Variants in GRID2 observed in about 807,000 individuals in gnomAD.
The protein encoded by GRID2 is glutamate ionotropic receptor delta type subunit 2, also known as glutamate receptor ionotropic, delta-2.
Under a neutral mutation model 114.8 loss-of-function variants are expected in GRID2, and 33 were observed. The observed-to-expected ratio is 0.29, with a 90% confidence interval of 0.22 to 0.38. The LOEUF (loss-of-function observed/expected upper bound fraction) is 0.38. Among genes scored for constraint, GRID2 ranks in the 10% least tolerant of loss-of-function variants. GRID2 has a pLI of 1.00. For synonymous variants in GRID2, 505 were observed against 449.9 expected, an observed-to-expected ratio of 1.12 and a Z score of -1.55; for missense variants, 1,184 against 1,257.7, an observed-to-expected ratio of 0.94 and a Z score of 0.89.
At chr4:92,848,673 A>C (rs1481305217) in intron 2 of GRID2, among the ~76,000 whole-genome samples, 1 of 151,998 alleles carries the variant, frequency 6.6e-6, no homozygotes, top group East Asian at 1.9e-4. Context: ...TTACCACCTG[A>C]GAATTTAATG....
At chr4:92,702,584 T>A (rs2149302436) in intron 2 of GRID2, 2 of 152,232 alleles carry the variant, frequency 1.3e-5, no homozygotes, top group South Asian at 4.1e-4. Flanking sequence ...CCCTTTCTAT[T>A]GCCCTTTTCT....
At chr4:92,815,607 A>G (rs1204476207) in intron 2 of GRID2, among the ~76,000 whole-genome samples, 1 of 152,046 alleles carries the variant, frequency 6.6e-6, no homozygotes, top group Non-Finnish European at 1.5e-5. Flanking sequence ...TTATAATCTT[A>G]TTATACTTAA....
intron 1 of GRID2, among the ~76,000 whole-genome samples, chr4:92,561,688 T>C (rs1234323163): frequency 1.3e-5 from 2 of 152,206 alleles, no homozygotes; most frequent in African/African-American, 4.8e-5. Flanking sequence ...GTAGAAGATA[T>C]ACAACTTTTA....
At chr4:93,280,543 T>C (rs1752542743) in intron 8 of GRID2, among the ~76,000 whole-genome samples, 1 of 152,034 alleles carries the variant, frequency 6.6e-6, no homozygotes, top group Non-Finnish European at 1.5e-5. Context: ...ATCTCTTTTT[T>C]ATTTTCTGTA....
chr4:93,521,249 G>T (rs1160141820), intron 13 of GRID2, among the ~76,000 whole-genome samples: 1 of 152,154 alleles, frequency 6.6e-6, no homozygotes, highest in African/African-American at 2.4e-5. Flanking sequence ...AATATGAAAT[G>T]CTTACTCATT....
chr4:93,130,791 A>G (rs1202736950), intron 4 of GRID2, among the ~76,000 whole-genome samples: 2 of 152,182 alleles, frequency 1.3e-5, no homozygotes, highest in African/African-American at 2.4e-5. Flanking sequence ...CTCTAAATAA[A>G]TGGTAAATTT....
chr4:93,698,649 T>G (rs2110133314), intron 14 of GRID2, among the ~76,000 whole-genome samples: 1 of 152,214 alleles, frequency 6.6e-6, no homozygotes, highest in Admixed American at 6.5e-5. Flanking sequence ...GTTGCAATGT[T>G]AAATTATAAT....
intron 13 of GRID2, among the ~76,000 whole-genome samples, chr4:93,518,664 T>C (rs1028446602): frequency 2.0e-5 from 3 of 152,072 alleles, no homozygotes; most frequent in African/African-American, 7.2e-5. Context: ...GAGAAGAGGA[T>C]GGGAAATACC....
intron 14 of GRID2, among the ~76,000 whole-genome samples, chr4:93,694,837 AC>A: frequency 6.6e-6 from 1 of 152,202 alleles, no homozygotes; most frequent in South Asian, 2.1e-4. Flanking sequence ...GGAAATGCTC[AC>A]CCCGAAGATC....
intron 8 of GRID2, among the ~76,000 whole-genome samples, chr4:93,325,131 G>C (rs1467325322): frequency 6.6e-6 from 1 of 151,960 alleles, no homozygotes; most frequent in Admixed American, 6.6e-5. Flanking sequence ...GTGATGTTAG[G>C]GTGTCAATTT....
At chr4:93,569,365 C>T (rs528413631) in intron 13 of GRID2, among the ~76,000 whole-genome samples, 124 of 152,236 alleles carry the variant, frequency 8.1e-4, no homozygotes, top group African/African-American at 2.7e-3. Flanking sequence ...CTCAATTTCT[C>T]TCTTTTCCTC....
At chr4:92,713,264 T>C (rs571417759) in intron 2 of GRID2, among the ~76,000 whole-genome samples, 45 of 151,298 alleles carry the variant, frequency 3.0e-4, no homozygotes, top group African/African-American at 1.1e-3. Flanking sequence ...TGTGTACTTT[T>C]TAACACATAA....
chr4:93,626,803 A>T (rs1402500098), intron 14 of GRID2, among the ~76,000 whole-genome samples: 1 of 152,218 alleles, frequency 6.6e-6, no homozygotes, highest in African/African-American at 2.4e-5. Context: ...CATTCTGAGG[A>T]TACAAAAGCA....
chr4:92,948,592 A>T (rs1751812732), intron 2 of GRID2, among the ~76,000 whole-genome samples: 1 of 151,934 alleles, frequency 6.6e-6, no homozygotes, highest in African/African-American at 2.4e-5. Flanking sequence ...AAATAGTTCT[A>T]TGGATAAGAA....
At chr4:92,449,474 G>C (rs541696459) in intron 1 of GRID2, among the ~76,000 whole-genome samples, 4 of 151,336 alleles carry the variant, frequency 2.6e-5, no homozygotes, top group Non-Finnish European at 3.0e-5. Context: ...TTCCATGTGT[G>C]GGAAATACAT....
intron 8 of GRID2, among the ~76,000 whole-genome samples, chr4:93,349,105 T>C (rs1455708495): frequency 6.6e-6 from 1 of 152,150 alleles, no homozygotes; most frequent in Non-Finnish European, 1.5e-5. Flanking sequence ...TCAAGGAGAA[T>C]ACTAATGCCT....
chr4:92,666,670 T>TTTTTTTTTTTTTGTTTTTTTTTTTTC (rs368637464), intron 2 of GRID2, among the ~76,000 whole-genome samples: 1 of 133,026 alleles, frequency 7.5e-6, no homozygotes, highest in East Asian at 2.0e-4. Context: ...TTTTTTTTTT[T>TTTTTTTTTTTTTGTTTTTTTTTTTTC]CAGATCTTTT....
chr4:92,765,453 G>A (rs1338178508), intron 2 of GRID2, among the ~76,000 whole-genome samples: 2 of 152,116 alleles, frequency 1.3e-5, no homozygotes, highest in African/African-American at 4.8e-5. Flanking sequence ...TGATCTCCAG[G>A]AAGGACTGTT....
Position 93,592,108 on chromosome 4 carries a change from T to G in GRID2, c.2194-34161T>G, listed in dbSNP as rs565688862. On this transcript the variant is annotated intron_variant, in intron 13 of 15. Coordinates refer to ENST00000282020, the MANE Select transcript of GRID2 (RefSeq NM_001510.4). Reference sequence around the variant, plus strand: ...TCTTGCCTTCTGCTACCTTTTGAATTTGTTTCCTCTTGCTTTTCTAGTTCT... The same window carrying G: ...TCTTGCCTTCTGCTACCTTTTGAATGTGTTTCCTCTTGCTTTTCTAGTTCT... 1.8e-4 allele frequency among the ~76,000 whole-genome samples: 27 copies of G among 152,272 alleles called. 1 individual carries two copies. The South Asian group carries it at 2.1e-3, about 12-fold the overall frequency.
Sources: gnomAD v4.1 joint callset for allele counts (sites outside exome capture counted in the v4.1 genomes callset) on GRCh38, gnomAD v4.1.1 for gene constraint, MANE v1.5 for transcripts, NCBI Gene and HGNC (gene_info 2026-07-23, HGNC 2026-07-21) for gene names.